Variants in DNHD1 observed in about 807,000 individuals in gnomAD.
The protein encoded by DNHD1 is dynein heavy chain domain-containing protein 1.
Under a neutral mutation model 458.1 loss-of-function variants are expected in DNHD1, and 383 were observed. The ratio of observed to expected loss-of-function variants is 0.84; its 90% confidence interval spans 0.77 to 0.91. The LOEUF is 0.91. Ranked by LOEUF, DNHD1 falls within the 40% of genes least tolerant of loss-of-function variation. The probability of loss-of-function intolerance (pLI) is 0.00; values close to 1 mark genes in which losing one functional copy is unlikely to be tolerated. For synonymous variants in DNHD1, 2,203 were observed against 2,376.9 expected (o/e 0.93, Z 2.13); for missense variants, 5,336 against 5,866.1 (o/e 0.91, Z 2.95).
In DNHD1 at chr11:6,498,421, T is replaced by C; in HGVS notation, c.206T>C (p.Phe69Ser). ...CTGCTAGCTGAGCTCCGAACTCTGT[T>C]CTCAGCTGTGTTGCAGGACAGTAGC... Reference protein sequence around the residue: ...ELLLAELRTLFSAVLQDSSPA... With the variant: ...ELLLAELRTLSSAVLQDSSPA... The change falls in exon 3 of 43, where the codon TTC (phenylalanine) becomes TCC (serine). Residue 69 changes from phenylalanine (F) to serine (S), a missense_variant. Transcript: ENST00000254579. 3 of 1,614,214 alleles carry C rather than the reference T, an allele frequency of 1.9e-6. No individual in the cohort carries two copies. The highest frequency in any genetic ancestry group is 2.5e-6 in the Non-Finnish European group (3 of 1,180,038).
rs1564999128 is a variant in DNHD1, at chr11:6,517,649, CTTCTTT to C, written c.1393-1948_1393-1943del. On this transcript the variant is annotated intron_variant, in intron 7 of 42. Coordinates refer to ENST00000254579, the MANE Select transcript of DNHD1 (RefSeq NM_144666.3). ...AAGACAAATACTGTATGATCTAGGA[CTTCTTT>C]TTTTTTTTTTTTTTTTTTTTTTTTT... Among the ~76,000 whole-genome samples, 11 of 85,662 alleles carry C rather than the reference CTTCTTT, an allele frequency of 1.3e-4. No individual in the cohort carries two copies. In the South Asian group the frequency reaches 2.9e-3, roughly 22 times the overall value. The allele number at this position is 85,662 out of a possible 152,430, so 56.2% of individuals were successfully genotyped here. A position where few individuals can be genotyped will look rare whatever the true frequency, so the allele number is the denominator to read the frequency against.
In DNHD1 at chr11:6,520,122, G is replaced by T; in HGVS notation, c.1785+20G>T. 6.2e-7 allele frequency: 1 copy of T among 1,614,172 alleles called. No individual in the cohort carries two copies. The highest frequency in any genetic ancestry group is 8.5e-7 in the Non-Finnish European group (1 of 1,180,030). Reference sequence around the variant, plus strand: ...TTGCAGGTATTCTGAATTGGGCAGAGAGCTGGCTGTGGGAATTCCCAGTTC... The same window carrying T: ...TTGCAGGTATTCTGAATTGGGCAGATAGCTGGCTGTGGGAATTCCCAGTTC... On this transcript the variant is annotated intron_variant, in intron 9 of 42. Coordinates refer to ENST00000254579, the MANE Select transcript of DNHD1 (RefSeq NM_144666.3).
Position 6,548,644 on chromosome 11 carries a change from GAC to G in DNHD1, c.7099_7100del (p.Thr2367Ter). 1 of 1,551,358 alleles carries G rather than the reference GAC, an allele frequency of 6.4e-7. No individual in the cohort carries two copies. ...TLGTFHPSIQ[T>X]ERLLYVVDLL... is the part of the protein sequence containing the mutation. ...CAGTAAGTCCCACTTCTGTCTTGCAGACTGAACGGCTCTTGTATGTGGTGGAC... is the reference window on the plus strand; with the variant it reads ...CAGTAAGTCCCACTTCTGTCTTGCAGTGAACGGCTCTTGTATGTGGTGGAC... On this transcript the variant is annotated frameshift_variant and splice_region_variant, in exon 24 of 43. Coordinates refer to ENST00000254579, the MANE Select transcript of DNHD1 (RefSeq NM_144666.3). LOFTEE classifies it high-confidence loss of function. The surrounding 1 kb of genome is among the most constrained non-coding windows in gnomAD (Gnocchi z 4.4).
rs1853653843 is a variant in DNHD1 at position 6,564,450 on chromosome 11, G to A, written c.10402G>A (p.Ala3468Thr). Residue 3468 changes from alanine to threonine, a missense_variant, in exon 32 of 43, where the codon GCT becomes ACT. Around this residue, in one of 4 missense-constraint regions of DNHD1, gnomAD observed 3,932 missense variants for 4,365.6 expected, o/e 0.90. Transcript: ENST00000254579. ...CCAAGAGCTACTGGACGAGTGGTTAGCTCTGTGTAGGGGCTTTCAGGAGGC... is the reference window on the plus strand; with the variant it reads ...CCAAGAGCTACTGGACGAGTGGTTAACTCTGTGTAGGGGCTTTCAGGAGGC... ...RRQELLDEWL[A>T]LCRGFQEALG... The A allele has an allele frequency of 6.4e-7, 1 of 1,551,612 alleles. No homozygotes were observed. The highest frequency in any genetic ancestry group is 8.7e-7 in the Non-Finnish European group (1 of 1,147,000).
At chr11:6,570,198 G>A (rs950535783) in intron 40 of DNHD1, 49 bp from the exon 41 acceptor site, 7 of 1,613,614 alleles carry the variant, frequency 4.3e-6, no homozygotes, top group Middle Eastern at 1.7e-4. Flanking sequence ...TTTTGGCGGT[G>A]GTGGAAACTG....
At chr11:6,529,522 C>G (rs975377626) in intron 12 of DNHD1, among the ~76,000 whole-genome samples, 1 of 152,216 alleles carries the variant, frequency 6.6e-6, no homozygotes, top group Non-Finnish European at 1.5e-5. Context: ...CTAACTTCTA[C>G]TGGTAGTGAA....
At chr11:6,506,374 G>T (rs985910176) in intron 4 of DNHD1, among the ~76,000 whole-genome samples, 4 of 152,038 alleles carry the variant, frequency 2.6e-5, no homozygotes, top group African/African-American at 9.7e-5. Context: ...TTACATTTTT[G>T]GGTTCTCTGA....
rs561787306 is a variant in DNHD1 at position 6,565,393 on chromosome 11, C to T, written c.10757-302C>T. 2.0e-5 allele frequency among the ~76,000 whole-genome samples: 3 copies of T among 152,232 alleles called. No homozygotes were observed. In the South Asian group the frequency reaches 6.2e-4, roughly 32 times the overall value. ...GTGAAGACAGAGGATGAATAGGATCCCTCCCTGGAATTTTAGAGTAATAAT... is the reference window on the plus strand; with the variant it reads ...GTGAAGACAGAGGATGAATAGGATCTCTCCCTGGAATTTTAGAGTAATAAT... On this transcript the variant is annotated intron_variant, in intron 32 of 42. Coordinates refer to ENST00000254579, the MANE Select transcript of DNHD1 (RefSeq NM_144666.3).
rs187817355 is a variant in DNHD1 at position 6,556,951 on chromosome 11, T to G, written c.7656T>G (p.Ser2552=). 2.4e-5 allele frequency: 38 copies of G among 1,551,742 alleles called. No individual in the cohort carries two copies. The African/African-American group carries it at 4.6e-4, about 19-fold the overall frequency. ...AGGCTTGGCTTGAGCGTTTCCCTTC[T>G]GTGGAACGGGAGCGTGCTCTGGCAC... ...IIQAWLERFP[S]VERERALARG... The change falls in exon 25 of 43, where the codon TCT becomes TCG. Residue 2552 remains serine, a synonymous_variant. Coordinates refer to ENST00000254579, the MANE Select transcript of DNHD1 (RefSeq NM_144666.3).
Position 6,558,467 on chromosome 11 carries a change from C to T in DNHD1, c.9003-18C>T. ...GCAAAGGTAAAGGGGAGGACATTAG[C>T]TGAGCCCTGGCCCACAGGTTCCACC... On this transcript the variant is annotated intron_variant, in intron 25 of 42. Transcript: ENST00000254579. 6.4e-7 allele frequency: 1 copy of T among 1,551,236 alleles called. No individual in the cohort carries two copies.
intron 7 of DNHD1, among the ~76,000 whole-genome samples, chr11:6,513,591 A>G (rs575236560): frequency 1.3e-5 from 2 of 152,354 alleles, no homozygotes; most frequent in South Asian, 4.1e-4. Context: ...ATGAATGACC[A>G]CAATTTATAT....
At chr11:6,531,498 T>A (rs1852827526) in intron 12 of DNHD1, among the ~76,000 whole-genome samples, 2 of 151,728 alleles carry the variant, frequency 1.3e-5, no homozygotes, top group Non-Finnish European at 2.9e-5. Context: ...ATCTGCCTGT[T>A]GCTACTGGTC....
At position 6,562,983 on chromosome 11, in the gene DNHD1, G is replaced by A; in HGVS notation, c.9521G>A (p.Ser3174Asn). 1 of 1,551,576 alleles carries A rather than the reference G, an allele frequency of 6.4e-7. No homozygotes were observed. Among genetic ancestry groups the A allele is most frequent in the Non-Finnish European group, 8.7e-7 (1 of 1,146,928 alleles). The change falls in exon 29 of 43, where the codon AGT becomes AAT. Residue 3174 changes from serine (S) to asparagine (N), a missense_variant and splice_region_variant. Transcript: ENST00000254579. The part of the protein sequence containing the change: ...LEQQLKDSGK[S>N]LSMFQQQLEQ... Reference sequence around the variant, plus strand: ...CAGGGCCTGGATCTGTCTCTGCAGAGTCTCAGCATGTTTCAGCAGCAGCTA... The same window carrying A: ...CAGGGCCTGGATCTGTCTCTGCAGAATCTCAGCATGTTTCAGCAGCAGCTA...
rs375708076 is a variant in DNHD1 at position 6,571,056 on chromosome 11, C to T, written c.13544C>T (p.Pro4515Leu). ...CLLQQLKGAP[P>L]CPSRRCAAVA... ...TTGCAGCAGCTGAAGGGCGCACCCCCGTGCCCCTCCCGCCGCTGTGCTGCG... is the reference window on the plus strand; with the variant it reads ...TTGCAGCAGCTGAAGGGCGCACCCCTGTGCCCCTCCCGCCGCTGTGCTGCG... Residue 4515 changes from proline to leucine, a missense_variant, in exon 42 of 43, where the codon CCG (proline) becomes CTG (leucine). Coordinates refer to ENST00000254579, the MANE Select transcript of DNHD1 (RefSeq NM_144666.3). This position sits in a 1 kb window ranked among gnomAD's most constrained non-coding sequence, Gnocchi z 5.0. 127 of 1,578,404 alleles carry T rather than the reference C, an allele frequency of 8.0e-5. No individual in the cohort carries two copies. The highest frequency in any genetic ancestry group is 3.9e-4 in the South Asian group (34 of 86,270).
intron 7 of DNHD1, among the ~76,000 whole-genome samples, chr11:6,515,794 T>TC (rs2134387286): frequency 6.7e-6 from 1 of 148,666 alleles, no homozygotes; most frequent in East Asian, 2.0e-4. Context: ...TTTTTTTTTT[T>TC]TTTTTTTTGA....
At position 6,566,406 on chromosome 11, in the gene DNHD1, G is replaced by C. The variant is rs999204444; in HGVS notation, c.11206+13G>C. 2.1e-5 allele frequency: 33 copies of C among 1,557,880 alleles called. No individual in the cohort carries two copies. The highest frequency in any genetic ancestry group is 2.4e-5 in the Non-Finnish European group (28 of 1,150,728). Reference sequence around the variant, plus strand: ...GCCATGGAAAAAGGTGAGGCCCAGAGGGCAAATTGCCAGCACAGTTGTGTG... The same window carrying C: ...GCCATGGAAAAAGGTGAGGCCCAGACGGCAAATTGCCAGCACAGTTGTGTG... On this transcript the variant is annotated intron_variant, in intron 34 of 42. Transcript: ENST00000254579.
chr11:6,527,843 TG>T (rs1852740514), intron 10 of DNHD1, among the ~76,000 whole-genome samples: 1 of 152,224 alleles, frequency 6.6e-6, no homozygotes, highest in South Asian at 2.1e-4. Flanking sequence ...ATACTAAACT[TG>T]TCAATTAACC....
chr11:6,501,112 G>A (rs1308799196), intron 3 of DNHD1, among the ~76,000 whole-genome samples: 3 of 152,174 alleles, frequency 2.0e-5, no homozygotes, highest in South Asian at 2.1e-4. Flanking sequence ...GAATGAAAAT[G>A]TTCATTGGAT....
chr11:6,554,107 AAG>A (rs1319785698), intron 24 of DNHD1, among the ~76,000 whole-genome samples: 1 of 152,312 alleles, frequency 6.6e-6, no homozygotes, highest in Non-Finnish European at 1.5e-5. Flanking sequence ...TGTTGTAATG[AAG>A]AGAGTGTGGT....
Sources: gnomAD v4.1 joint callset for allele counts (sites outside exome capture counted in the v4.1 genomes callset) on GRCh38, gnomAD v4.1.1 for gene constraint, gnomAD v4.1.1 regional missense constraint, Gnocchi (gnomAD v3.1) non-coding constraint, MANE v1.5 for transcripts, NCBI Gene and HGNC (gene_info 2026-07-23, HGNC 2026-07-21) for gene names.